ASXL2: variants seen among roughly 807,000 people sequenced by gnomAD.
ASXL2 encodes ASXL transcriptional regulator 2.
A neutral mutation model predicts 122.0 loss-of-function variants in ASXL2; 23 were observed. The ratio of observed to expected loss-of-function variants is 0.19; its 90% CI spans 0.14 to 0.27. The LOEUF (loss-of-function observed/expected upper bound fraction) is 0.27. Ranked by LOEUF, ASXL2 falls within the 10% of genes least tolerant of loss-of-function variation. The pLI is 1.00. For synonymous variants in ASXL2, 650 were observed against 637.0 expected, an observed-to-expected ratio of 1.02 and a Z score of -0.31; for missense variants, 1,518 against 1,713.8, an observed-to-expected ratio of 0.89 and a Z score of 2.02.
chr2:25,874,979 A>T (rs1214643582), intron 1 of ASXL2, among the ~76,000 whole-genome samples: 1 of 152,118 alleles, frequency 6.6e-6, no homozygotes, highest in Non-Finnish European at 1.5e-5. Flanking sequence ...GCTACTCAGG[A>T]GGCTGAGGCA....
intron 1 of ASXL2, among the ~76,000 whole-genome samples, chr2:25,847,619 A>T (rs1030944440): frequency 6.6e-6 from 1 of 152,154 alleles, no homozygotes; most frequent in African/African-American, 2.4e-5. Flanking sequence ...GAAAACTTCT[A>T]TTTATTTATT....
At chr2:25,775,319 G>T (rs2088528413) in intron 5 of ASXL2, among the ~76,000 whole-genome samples, 1 of 152,038 alleles carries the variant, frequency 6.6e-6, no homozygotes, top group Non-Finnish European at 1.5e-5. Flanking sequence ...GTAGAGACGG[G>T]GTTTCACCAT....
At chr2:25,804,641 A>G (rs544623698) in intron 4 of ASXL2, among the ~76,000 whole-genome samples, 1 of 152,292 alleles carries the variant, frequency 6.6e-6, no homozygotes, top group East Asian at 1.9e-4. Context: ...TAGAATTTTC[A>G]GTTACATAAG....
chr2:25,782,856 G>T (rs191896582), intron 5 of ASXL2, among the ~76,000 whole-genome samples: 8 of 152,312 alleles, frequency 5.3e-5, no homozygotes, highest in Non-Finnish European at 8.8e-5. Flanking sequence ...GGCTGGGCAT[G>T]GTGGCTCACG....
rs187609619 is a variant in ASXL2, at chr2:25,768,695, T to C, written c.631+47A>G. 13 of 1,591,004 alleles carry C rather than the reference T, an allele frequency of 8.2e-6. No homozygotes were observed. In the South Asian group the frequency reaches 9.2e-5, roughly 11 times the overall value. On this transcript the variant is annotated intron_variant, in intron 7 of 12. Coordinates refer to ENST00000435504, the MANE Select transcript of ASXL2 (RefSeq NM_018263.6). ...CAAATCAGGAAAACCAACATAAAAA[T>C]ACTAGGAAAAAGAAACTTCCATTGA... is the stretch of plus-strand genomic sequence containing the variant.
intron 3 of ASXL2, among the ~76,000 whole-genome samples, chr2:25,824,543 T>A (rs1450192995): frequency 1.3e-5 from 2 of 152,122 alleles, no homozygotes. Context: ...AAGTTTAAAA[T>A]GTACACTATC....
At chr2:25,803,147 A>ATGAATGAG (rs1282515004) in intron 4 of ASXL2, among the ~76,000 whole-genome samples, 1 of 151,814 alleles carries the variant, frequency 6.6e-6, no homozygotes, top group Non-Finnish European at 1.5e-5. Flanking sequence ...GAATGAATGA[A>ATGAATGAG]TGAATGAATG....
rs1014651779 is a variant in ASXL2, at chr2:25,736,565, C to T, written c.*5464G>A. 6.6e-6 allele frequency: 1 copy of T among 151,888 alleles called. No individual in the cohort carries two copies. Among genetic ancestry groups the T allele is most frequent in the Admixed American group, 6.6e-5 (1 of 15,242 alleles). 9.4% of individuals were successfully genotyped at this position (151,888 alleles called of 1,614,324 possible). A position where few individuals can be genotyped will look rare whatever the true frequency, so the allele number is the denominator to read the frequency against. On this transcript the variant is annotated 3_prime_UTR_variant, in exon 13 of 13. Coordinates refer to ENST00000435504, the MANE Select transcript of ASXL2 (RefSeq NM_018263.6). ...CTGTTCTCTTGGAAGGCTGAATTAT[C>T]TCCAACGTCTTGGGACAACCCAGAT...
intron 1 of ASXL2, among the ~76,000 whole-genome samples, chr2:25,858,418 C>CA (rs761240837): frequency 2.0e-3 from 279 of 136,250 alleles, no homozygotes; most frequent in African/African-American, 3.7e-3. Context: ...GTCTACATTC[C>CA]AAAAAAAAAA....
At chr2:25,804,322 C>T (rs2089047430) in intron 4 of ASXL2, among the ~76,000 whole-genome samples, 1 of 152,244 alleles carries the variant, frequency 6.6e-6, no homozygotes, top group Non-Finnish European at 1.5e-5. Context: ...AAAACTCTCT[C>T]CTCAATTCAC....
Position 25,750,217 on chromosome 2 carries a change from A to T in ASXL2, c.1339T>A (p.Cys447Ser). The change falls in exon 12 of 13, where the codon TGT (cysteine) becomes AGT (serine). Residue 447 changes from cysteine to serine, a missense_variant. This residue lies in a region of ASXL2 where 292 missense variants were observed against 293.5 expected (regional missense o/e 1.00). Transcript: ENST00000435504. ...QMSSPGRKEECESQGEVQPNF... is the reference protein window; with the variant it reads ...QMSSPGRKEESESQGEVQPNF... Reference sequence around the variant, plus strand: ...GGCTGCACTTCACCTTGGCTTTCACACTCTTCTTTTCTGCCTGGTGATGAC... The same window carrying T: ...GGCTGCACTTCACCTTGGCTTTCACTCTCTTCTTTTCTGCCTGGTGATGAC... The T allele has an allele frequency of 6.2e-7, 1 of 1,613,440 alleles. No homozygotes were observed. The highest frequency in any genetic ancestry group is 8.5e-7 in the Non-Finnish European group (1 of 1,179,758).
chr2:25,755,943 G>A (rs560170755), intron 10 of ASXL2, 75 bp downstream of exon 10: 9 of 1,226,470 alleles, frequency 7.3e-6, no homozygotes, highest in African/African-American at 4.5e-5. Flanking sequence ...CCAAAACTGC[G>A]TAATTACCTG....
At chr2:25,762,020 G>A (rs2088260066) in intron 8 of ASXL2, among the ~76,000 whole-genome samples, 1 of 151,872 alleles carries the variant, frequency 6.6e-6, no homozygotes, top group African/African-American at 2.4e-5. Flanking sequence ...TCTGATTTGT[G>A]AGGTTAAAAA....
At chr2:25,776,336 T>G (rs997230813) in intron 5 of ASXL2, among the ~76,000 whole-genome samples, 1 of 152,248 alleles carries the variant, frequency 6.6e-6, no homozygotes, top group African/African-American at 2.4e-5. Context: ...TCAATATGTA[T>G]AAATACTTTA....
intron 12 of ASXL2, among the ~76,000 whole-genome samples, chr2:25,745,018 C>T (rs2087918062): frequency 6.6e-6 from 1 of 151,284 alleles, no homozygotes; most frequent in Non-Finnish European, 1.5e-5. Context: ...GGCTTCTAGA[C>T]AGCACTGGAA....
chr2:25,798,172 G>C (rs533139114), intron 5 of ASXL2, among the ~76,000 whole-genome samples: 1 of 152,310 alleles, frequency 6.6e-6, no homozygotes, highest in Non-Finnish European at 1.5e-5. Flanking sequence ...GCCTTTCAGA[G>C]GGTGGTGTGG....
At position 25,870,594 on chromosome 2, in the gene ASXL2, C is replaced by T. The variant is rs570787038; in HGVS notation, c.57+7572G>A. On this transcript the variant is annotated intron_variant, in intron 1 of 12. Transcript: ENST00000435504. ...AGCTGAGGCAGGAGGATTGTTTGAG[C>T]CCAGGAGGTCAAGGCTTCAGTAAGC... is the stretch of plus-strand genomic sequence containing the variant. 2.6e-5 allele frequency among the ~76,000 whole-genome samples: 4 copies of T among 152,206 alleles called. No homozygotes were observed. In the South Asian group the frequency reaches 6.2e-4, roughly 24 times the overall value.
chr2:25,828,521 T>A (rs2384296), intron 3 of ASXL2, among the ~76,000 whole-genome samples: 115,893 of 131,902 alleles, frequency 0.88, 50,635 homozygotes, highest in East Asian at 1. Context: ...AAAAAAAAAA[T>A]AAAAAGAAAA....
Position 25,759,383 on chromosome 2 carries a change from T to C in ASXL2, c.939+99A>G, listed in dbSNP as rs150492712. On this transcript the variant is annotated intron_variant, in intron 9 of 12. Transcript: ENST00000435504. ...AAAAACCTGCCTATTAAGAAACTTA[T>C]GTAAAAATATTCTTACTTCTCACTT... is the stretch of plus-strand genomic sequence containing the variant. The C allele has an allele frequency of 3.5e-4, 445 of 1,277,122 alleles. 1 individual carries two copies. In the African/African-American group the frequency reaches 5.4e-3, roughly 16 times the overall value. 79.1% of individuals were successfully genotyped at this position (1,277,122 alleles called of 1,614,324 possible).
Sources: allele counts gnomAD v4.1 joint callset (sites outside exome capture counted in the v4.1 genomes callset), GRCh38; gene constraint gnomAD v4.1.1; regional missense constraint gnomAD v4.1.1; transcripts MANE v1.5; gene names NCBI Gene and HGNC (gene_info 2026-07-23, HGNC 2026-07-21).